Variants in PTPRD observed in about 807,000 individuals in gnomAD.
The protein encoded by PTPRD is receptor-type tyrosine-protein phosphatase delta.
A neutral mutation model predicts 214.5 loss-of-function variants in PTPRD; 34 were observed. The observed-to-expected ratio is 0.16, with a 90% CI of 0.12 to 0.21. The LOEUF (loss-of-function observed/expected upper bound fraction) is 0.21. Ranked by LOEUF, PTPRD falls within the 10% of genes least tolerant of loss-of-function variation. The pLI is 1.00. For synonymous variants in PTPRD, 1,128 were observed against 845.7 expected (o/e 1.33, Z -5.79); for missense variants, 2,545 against 2,398.7 (o/e 1.06, Z -1.27).
chr9:9,198,321 G>A (rs1593374495), intron 9 of PTPRD, among the ~76,000 whole-genome samples: 1 of 151,920 alleles, frequency 6.6e-6, no homozygotes, highest in African/African-American at 2.4e-5. Flanking sequence ...AATAAGTTTG[G>A]TTAATTTTTG....
intron 2 of PTPRD, among the ~76,000 whole-genome samples, chr9:10,569,953 A>T (rs1314666488): frequency 6.6e-6 from 1 of 152,110 alleles, no homozygotes; most frequent in African/African-American, 2.4e-5. Context: ...TGTGTTTTTT[A>T]TGATATATAA....
intron 14 of PTPRD, among the ~76,000 whole-genome samples, chr9:8,543,637 TG>T (rs2079061829): frequency 1.3e-5 from 2 of 152,236 alleles, no homozygotes; most frequent in Middle Eastern, 3.2e-3. Context: ...GGGCACATGT[TG>T]TCATTTTTCC....
At chr9:10,502,753 T>C (rs2133296060) in intron 2 of PTPRD, among the ~76,000 whole-genome samples, 1 of 152,194 alleles carries the variant, frequency 6.6e-6, no homozygotes, top group African/African-American at 2.4e-5. Context: ...CATGTAGTTA[T>C]CTAGCAAAGA....
chr9:8,765,105 G>A (rs7031334), intron 11 of PTPRD, among the ~76,000 whole-genome samples: 2,144 of 152,158 alleles, frequency 0.014, 54 homozygotes, highest in African/African-American at 0.049. Context: ...AACGCCCTTT[G>A]AGCAGAAAGT....
intron 14 of PTPRD, among the ~76,000 whole-genome samples, chr9:8,539,106 T>TA (rs1414922813): frequency 1.3e-5 from 2 of 151,810 alleles, no homozygotes; most frequent in Non-Finnish European, 2.9e-5. Flanking sequence ...ACACGAAAAT[T>TA]AAAAAAGACA....
chr9:9,346,809 C>A (rs941314143), intron 9 of PTPRD, among the ~76,000 whole-genome samples: 1 of 152,126 alleles, frequency 6.6e-6, no homozygotes, highest in Non-Finnish European at 1.5e-5. Flanking sequence ...TCTCCTGCCT[C>A]AGCCTCTCAA....
At chr9:8,788,405 A>G (rs1388932947) in intron 11 of PTPRD, among the ~76,000 whole-genome samples, 1 of 151,626 alleles carries the variant, frequency 6.6e-6, no homozygotes, top group Non-Finnish European at 1.5e-5. Context: ...CCTCCCGAGT[A>G]GCTGGGATTA....
intron 8 of PTPRD, among the ~76,000 whole-genome samples, chr9:9,418,642 C>T (rs6477396): frequency 0.67 from 102,232 of 151,798 alleles, 35,558 homozygotes; most frequent in Middle Eastern, 0.79. Context: ...AGATAGCATA[C>T]ATACTATTGG....
intron 5 of PTPRD, among the ~76,000 whole-genome samples, chr9:9,861,320 T>A (rs996285433): frequency 3.9e-5 from 6 of 152,202 alleles, no homozygotes; most frequent in Admixed American, 1.3e-4. Flanking sequence ...AGACAGAGTC[T>A]TGCTCTGTCT....
chr9:8,622,532 C>G (rs2095854684), intron 14 of PTPRD, among the ~76,000 whole-genome samples: 1 of 151,914 alleles, frequency 6.6e-6, no homozygotes, highest in South Asian at 2.1e-4. Flanking sequence ...GTATAACTGC[C>G]TTGTCATTTT....
At chr9:8,428,169 C>G (rs2094812053) in intron 35 of PTPRD, among the ~76,000 whole-genome samples, 1 of 152,102 alleles carries the variant, frequency 6.6e-6, no homozygotes, top group Non-Finnish European at 1.5e-5. Context: ...ATATTTATTC[C>G]CACTGCTGGC....
intron 4 of PTPRD, among the ~76,000 whole-genome samples, chr9:9,942,537 A>G (rs1234916260): frequency 3.3e-5 from 5 of 152,180 alleles, no homozygotes; most frequent in African/African-American, 1.2e-4. Context: ...CAAGGGGCAA[A>G]TGAATCTGTA....
At chr9:9,844,024 T>C (rs1352109178) in intron 5 of PTPRD, among the ~76,000 whole-genome samples, 1 of 152,006 alleles carries the variant, frequency 6.6e-6, no homozygotes, top group Non-Finnish European at 1.5e-5. Context: ...GTGCTGTAGT[T>C]CCAGTGCCAT....
At chr9:9,116,384 ACATGTTCTCACT>A (rs1247148538) in intron 10 of PTPRD, among the ~76,000 whole-genome samples, 6 of 152,124 alleles carry the variant, frequency 3.9e-5, no homozygotes, top group African/African-American at 1.4e-4. Flanking sequence ...ACCAAATACC[ACATGTTCTCACT>A]CATAAGTGAG....
chr9:8,413,776 G>T (rs903884360), intron 35 of PTPRD, among the ~76,000 whole-genome samples: 1 of 151,976 alleles, frequency 6.6e-6, no homozygotes, highest in Non-Finnish European at 1.5e-5. Context: ...AGAAAGGCTA[G>T]AACAAATTAA....
intron 11 of PTPRD, among the ~76,000 whole-genome samples, chr9:8,951,031 G>A (rs58127506): frequency 0.023 from 3,425 of 151,928 alleles, 51 homozygotes; most frequent in Middle Eastern, 0.048. Context: ...ATATGTTTTT[G>A]GAATCCTTTT....
At chr9:9,130,240 G>A (rs1334554485) in intron 10 of PTPRD, among the ~76,000 whole-genome samples, 2 of 151,868 alleles carry the variant, frequency 1.3e-5, no homozygotes, top group Non-Finnish European at 2.9e-5. Flanking sequence ...CAAAATATAG[G>A]GAAACTAATT....
chr9:10,122,856 T>G (rs758958940), intron 3 of PTPRD, among the ~76,000 whole-genome samples: 3 of 152,134 alleles, frequency 2.0e-5, no homozygotes, highest in Non-Finnish European at 2.9e-5. Context: ...TATACAGCAG[T>G]TGTAAACTGG....
intron 5 of PTPRD, among the ~76,000 whole-genome samples, chr9:9,866,182 G>C (rs1013559729): frequency 7.2e-5 from 11 of 151,968 alleles, no homozygotes; most frequent in South Asian, 2.1e-4. Context: ...TTATTCCCTA[G>C]ACTGTTTTTA....
Sources: gnomAD v4.1 joint callset for allele counts (sites outside exome capture counted in the v4.1 genomes callset) on GRCh38, gnomAD v4.1.1 for gene constraint, MANE v1.5 for transcripts, NCBI Gene and HGNC (gene_info 2026-07-23, HGNC 2026-07-21) for gene names.